Variants in USP12 observed in about 807,000 individuals in gnomAD.
USP12 encodes ubiquitin carboxyl-terminal hydrolase 12.
USP12 carries 19 observed loss-of-function variants against 45.5 expected under a neutral mutation model. That is an observed-to-expected ratio of 0.42 (90% CI 0.29 to 0.61). The LOEUF is 0.61. Among genes scored for constraint, USP12 ranks in the 20% least tolerant of loss-of-function variants. The probability of loss-of-function intolerance (pLI) is 0.22; values close to 1 mark genes in which losing one functional copy is unlikely to be tolerated. For synonymous variants in USP12, 149 were observed against 148.8 expected, an observed-to-expected ratio of 1.00 and a Z score of -0.01; for missense variants, 242 against 447.7, an observed-to-expected ratio of 0.54 and a Z score of 4.15.
At chr13:27,079,004 A>C (rs1311125508) in intron 6 of USP12, among the ~76,000 whole-genome samples, 10 of 152,054 alleles carry the variant, frequency 6.6e-5, no homozygotes, top group African/African-American at 4.8e-5. Flanking sequence ...AAAAAAAAAA[A>C]CTAGAAAATC....
chr13:27,143,192 A>C (rs1877150531), intron 1 of USP12, among the ~76,000 whole-genome samples: 1 of 152,224 alleles, frequency 6.6e-6, no homozygotes, highest in Non-Finnish European at 1.5e-5. Flanking sequence ...CATCATCAAA[A>C]AGAATGATTG....
At chr13:27,136,224 G>A (rs1189827874) in intron 1 of USP12, among the ~76,000 whole-genome samples, 1 of 152,136 alleles carries the variant, frequency 6.6e-6, no homozygotes, top group Non-Finnish European at 1.5e-5. Flanking sequence ...GACCCTTGGC[G>A]GGGCGCGGTG....
intron 6 of USP12, among the ~76,000 whole-genome samples, chr13:27,078,541 A>C (rs947013335): frequency 2.6e-5 from 4 of 151,962 alleles, no homozygotes; most frequent in African/African-American, 9.7e-5. Context: ...TTATAATTTA[A>C]AACTATTCAA....
Position 27,080,800 on chromosome 13 carries a change from T to C in USP12, c.735-5412A>G, listed in dbSNP as rs138055654. On this transcript the variant is annotated intron_variant, in intron 6 of 8. Transcript: ENST00000282344. ...GGTTTCCCAGTGCATATAAAGGTTA[T>C]GCTTATACTATACTGTAGTGTATTA... 6.6e-5 allele frequency among the ~76,000 whole-genome samples: 10 copies of C among 152,348 alleles called. No individual in the cohort carries two copies. In the East Asian group the frequency reaches 1.9e-3, roughly 29 times the overall value.
At chr13:27,135,044 G>C (rs1333450950) in intron 1 of USP12, among the ~76,000 whole-genome samples, 2 of 152,182 alleles carry the variant, frequency 1.3e-5, no homozygotes, top group African/African-American at 2.4e-5. Flanking sequence ...CAGCACTTTG[G>C]GAGGACGAGG....
intron 8 of USP12, 77 bp from the exon 9 acceptor site, chr13:27,069,461 A>T: frequency 9.6e-7 from 1 of 1,041,680 alleles, no homozygotes; most frequent in Non-Finnish European, 1.5e-6. Flanking sequence ...AAAGACTGAC[A>T]ATACCAAGTA....
At chr13:27,168,993 C>A (rs1269775368) in intron 1 of USP12, 1 of 152,032 alleles carries the variant, frequency 6.6e-6, no homozygotes, top group African/African-American at 2.4e-5. Context: ...TCCACCATTC[C>A]ACACACACAC....
intron 3 of USP12, among the ~76,000 whole-genome samples, chr13:27,103,771 G>A: frequency 6.9e-6 from 1 of 144,262 alleles, no homozygotes. Flanking sequence ...AAGAGAGAGA[G>A]ACAGAGAGAG....
chr13:27,131,910 CAAG>C (rs1876520163), intron 1 of USP12, among the ~76,000 whole-genome samples: 1 of 152,072 alleles, frequency 6.6e-6, no homozygotes, highest in South Asian at 2.1e-4. Context: ...TGTGCTTTTG[CAAG>C]AAGAGAAATT....
chr13:27,141,305 A>G (rs1163694870), intron 1 of USP12, among the ~76,000 whole-genome samples: 2 of 152,084 alleles, frequency 1.3e-5, no homozygotes, highest in Admixed American at 6.6e-5. Context: ...GTGAGCCACC[A>G]TGTCCGGCTG....
chr13:27,091,631 G>A (rs2137772262), intron 4 of USP12, among the ~76,000 whole-genome samples: 1 of 152,302 alleles, frequency 6.6e-6, no homozygotes, highest in African/African-American at 2.4e-5. Flanking sequence ...AGTCTAGGGT[G>A]GAGATCTGGA....
intron 6 of USP12, among the ~76,000 whole-genome samples, chr13:27,086,991 C>G (rs1450965542): frequency 1.3e-5 from 2 of 152,208 alleles, no homozygotes; most frequent in Non-Finnish European, 2.9e-5. Flanking sequence ...AAAATCTGAG[C>G]TCTTCCCCTC....
At chr13:27,091,298 A>G (rs1874303042) in intron 4 of USP12, among the ~76,000 whole-genome samples, 1 of 152,204 alleles carries the variant, frequency 6.6e-6, no homozygotes, top group Non-Finnish European at 1.5e-5. Context: ...CAGAGAAGTA[A>G]AAGTTACACA....
At chr13:27,078,071 T>C (rs1873575870) in intron 6 of USP12, 1 of 152,156 alleles carries the variant, frequency 6.6e-6, no homozygotes, top group African/African-American at 2.4e-5. Context: ...TATTTAAATT[T>C]ATTTTTTTAA....
chr13:27,091,460 G>C (rs73497364), intron 4 of USP12, among the ~76,000 whole-genome samples: 1 of 152,126 alleles, frequency 6.6e-6, no homozygotes. Flanking sequence ...GAGTTACTAC[G>C]TTTATATTTG....
intron 1 of USP12, among the ~76,000 whole-genome samples, chr13:27,163,961 A>G (rs943529925): frequency 3.3e-5 from 5 of 152,060 alleles, no homozygotes; most frequent in African/African-American, 9.7e-5. Flanking sequence ...GGGAAGTTCC[A>G]TAAGACCAGA....
chr13:27,116,250 T>C (rs1875731888), intron 2 of USP12, among the ~76,000 whole-genome samples: 1 of 148,382 alleles, frequency 6.7e-6, no homozygotes, highest in African/African-American at 2.5e-5. Flanking sequence ...AGGCAGACGT[T>C]GCAGTGAGCC....
chr13:27,108,575 T>A (rs1003785011), intron 2 of USP12, among the ~76,000 whole-genome samples: 3 of 149,320 alleles, frequency 2.0e-5, no homozygotes, highest in African/African-American at 7.4e-5. Flanking sequence ...TAGCCTGGGA[T>A]ATCTTAAATA....
intron 1 of USP12, among the ~76,000 whole-genome samples, chr13:27,167,641 C>T (rs1878408347): frequency 6.6e-6 from 1 of 151,612 alleles, no homozygotes; most frequent in Non-Finnish European, 1.5e-5. Flanking sequence ...TTTGAATGCT[C>T]CTATCATAGA....
Sources: gnomAD v4.1 joint callset for allele counts (sites outside exome capture counted in the v4.1 genomes callset) on GRCh38, gnomAD v4.1.1 for gene constraint, MANE v1.5 for transcripts, NCBI Gene and HGNC (gene_info 2026-07-23, HGNC 2026-07-21) for gene names.